CNTN3: variants seen among roughly 807,000 people sequenced by gnomAD.
CNTN3 encodes the protein contactin 3, also known as contactin-3.
CNTN3 carries 60 observed loss-of-function variants against 119.1 expected under a neutral mutation model. That is an observed-to-expected ratio of 0.50 (90% CI 0.41 to 0.62). The LOEUF is 0.62. CNTN3 is among the 20% of genes least tolerant of loss of function. The pLI is 0.00. For missense variants in CNTN3, 1,101 were observed against 1,242.4 expected, an observed-to-expected ratio of 0.89 and a Z score of 1.71; for synonymous variants, 450 against 438.7, an observed-to-expected ratio of 1.03 and a Z score of -0.32.
intron 20 of CNTN3, among the ~76,000 whole-genome samples, chr3:74,278,413 T>C (rs567654614): frequency 6.6e-6 from 1 of 152,192 alleles, no homozygotes; most frequent in East Asian, 1.9e-4. Context: ...AGTAGGAGCA[T>C]AGACCAATGG....
At chr3:74,591,950 G>C (rs1178205010) in intron 1 of CNTN3, among the ~76,000 whole-genome samples, 1 of 151,906 alleles carries the variant, frequency 6.6e-6, no homozygotes, top group East Asian at 1.9e-4. Context: ...GGCAAAAAGA[G>C]AGGAAAGAAA....
At chr3:74,525,797 C>A (rs186350222) in intron 1 of CNTN3, among the ~76,000 whole-genome samples, 3 of 151,914 alleles carry the variant, frequency 2.0e-5, no homozygotes, top group Non-Finnish European at 2.9e-5. Context: ...ACCTTGGACT[C>A]AAAACCAAAA....
chr3:74,307,335 TA>T (rs990098374), intron 13 of CNTN3, among the ~76,000 whole-genome samples: 1 of 152,212 alleles, frequency 6.6e-6, no homozygotes, highest in African/African-American at 2.4e-5. Context: ...CTACTAAACT[TA>T]GCTAGGATTA....
chr3:74,529,935 C>T (rs1703670757), intron 1 of CNTN3, among the ~76,000 whole-genome samples: 1 of 145,842 alleles, frequency 6.9e-6, no homozygotes, highest in Admixed American at 6.9e-5. Context: ...TAAATGAAAT[C>T]AAAAGTGCTA....
intron 5 of CNTN3, among the ~76,000 whole-genome samples, chr3:74,416,513 C>T (rs1224305188): frequency 2.6e-5 from 4 of 152,108 alleles, no homozygotes; most frequent in Non-Finnish European, 5.9e-5. Flanking sequence ...CTCTCTGCTT[C>T]CTTCATATGT....
intron 1 of CNTN3, among the ~76,000 whole-genome samples, chr3:74,550,989 G>A (rs888936075): frequency 6.6e-6 from 1 of 152,212 alleles, no homozygotes; most frequent in African/African-American, 2.4e-5. Context: ...AGAGTCCAAT[G>A]TCGAGTCCCC....
chr3:74,367,695 G>T (rs1274274144), intron 8 of CNTN3, among the ~76,000 whole-genome samples: 1 of 152,002 alleles, frequency 6.6e-6, no homozygotes, highest in East Asian at 1.9e-4. Context: ...AAAGAAACTG[G>T]GTCGTGGCCT....
chr3:74,587,913 A>G (rs1040373961), intron 1 of CNTN3, among the ~76,000 whole-genome samples: 3 of 152,168 alleles, frequency 2.0e-5, no homozygotes, highest in African/African-American at 7.2e-5. Context: ...CCCATTCAGT[A>G]TGACATTGGC....
chr3:74,343,937 T>A (rs2106730969), intron 11 of CNTN3, among the ~76,000 whole-genome samples: 1 of 152,308 alleles, frequency 6.6e-6, no homozygotes, highest in Non-Finnish European at 1.5e-5. Flanking sequence ...GACTCTGATT[T>A]ACAACAAAAA....
intron 5 of CNTN3, among the ~76,000 whole-genome samples, chr3:74,408,400 T>C (rs189091902): frequency 6.6e-6 from 1 of 152,110 alleles, no homozygotes; most frequent in Admixed American, 6.6e-5. Flanking sequence ...CAGTGGTCGG[T>C]TTTTCAAAGG....
At chr3:74,399,368 A>G (rs1705133762) in intron 5 of CNTN3, among the ~76,000 whole-genome samples, 2 of 152,044 alleles carry the variant, frequency 1.3e-5, no homozygotes, top group Non-Finnish European at 2.9e-5. Context: ...TCATTTAGCT[A>G]CCACTTATGC....
intron 5 of CNTN3, among the ~76,000 whole-genome samples, chr3:74,413,359 G>C (rs77307595): frequency 0.029 from 4,343 of 152,206 alleles, 85 homozygotes; most frequent in Middle Eastern, 0.068. Flanking sequence ...CGGATGCAGA[G>C]CAAATTTCAT....
chr3:74,362,082 CA>C (rs1184528302), intron 10 of CNTN3, 42 bp from the exon 11 acceptor site: 8 of 1,596,382 alleles, frequency 5.0e-6, no homozygotes, highest in Non-Finnish European at 6.0e-6. Flanking sequence ...GGATCATTTA[CA>C]AAACTTCTTG....
intron 5 of CNTN3, among the ~76,000 whole-genome samples, chr3:74,418,359 T>TTTTTTTTTTTG: frequency 6.7e-6 from 1 of 148,250 alleles, no homozygotes; most frequent in Admixed American, 6.8e-5. Context: ...TTTTTTTTTT[T>TTTTTTTTTTTG]GAGTCAGAGT....
intron 5 of CNTN3, among the ~76,000 whole-genome samples, chr3:74,419,552 A>T (rs919227181): frequency 6.6e-6 from 1 of 152,208 alleles, no homozygotes; most frequent in Non-Finnish European, 1.5e-5. Context: ...GGCATCTCAC[A>T]TTCTCGTTTT....
At chr3:74,576,621 T>C (rs534716813) in intron 1 of CNTN3, among the ~76,000 whole-genome samples, 5 of 152,260 alleles carry the variant, frequency 3.3e-5, no homozygotes, top group African/African-American at 1.2e-4. Context: ...ACTTATTCTA[T>C]TAAAAGTACC....
At chr3:74,458,747 T>C (rs539400660) in intron 4 of CNTN3, among the ~76,000 whole-genome samples, 28 of 152,222 alleles carry the variant, frequency 1.8e-4, no homozygotes, top group African/African-American at 6.0e-4. Context: ...ATGATGGAAC[T>C]ATTCTGTAGC....
At chr3:74,493,116 T>A (rs1239247053) in intron 3 of CNTN3, among the ~76,000 whole-genome samples, 3 of 152,176 alleles carry the variant, frequency 2.0e-5, no homozygotes, top group African/African-American at 4.8e-5. Flanking sequence ...TACTAGTTAT[T>A]ATTATTTAAC....
chr3:74,410,385 A>C (rs1344994751), intron 5 of CNTN3, among the ~76,000 whole-genome samples: 1 of 152,200 alleles, frequency 6.6e-6, no homozygotes, highest in African/African-American at 2.4e-5. Flanking sequence ...TCATGTGAGT[A>C]TCTGTAAATG....
Sources: allele counts gnomAD v4.1 joint callset (sites outside exome capture counted in the v4.1 genomes callset), GRCh38; gene constraint gnomAD v4.1.1; transcripts MANE v1.5; gene names NCBI Gene and HGNC (gene_info 2026-07-23, HGNC 2026-07-21).